SCLT1: variants seen among roughly 807,000 people sequenced by gnomAD.
The protein encoded by SCLT1 is sodium channel and clathrin linker 1, also known as sodium channel-associated protein 1.
SCLT1 carries 78 observed loss-of-function variants against 112.8 expected under a neutral mutation model. The ratio of observed to expected loss-of-function variants is 0.69; its 90% CI spans 0.58 to 0.83. The LOEUF (loss-of-function observed/expected upper bound fraction) is 0.83, where lower values mean the gene tolerates loss of function less well. Among genes scored for constraint, SCLT1 ranks in the 40% least tolerant of loss-of-function variants. The pLI, the probability that SCLT1 is intolerant of heterozygous loss-of-function variation, is 0.00. For missense variants in SCLT1, 747 were observed against 770.4 expected (o/e 0.97, Z 0.36); for synonymous variants, 257 against 254.7 (o/e 1.01, Z -0.09).
intron 18 of SCLT1, among the ~76,000 whole-genome samples, chr4:128,911,581 T>G (rs1417475409): frequency 2.0e-5 from 3 of 152,200 alleles, no homozygotes; most frequent in East Asian, 3.8e-4. Context: ...AAATTACCTA[T>G]GAAAAAATTA....
At chr4:129,085,123 T>C (rs1053831283) in intron 1 of SCLT1, among the ~76,000 whole-genome samples, 2 of 152,176 alleles carry the variant, frequency 1.3e-5, no homozygotes, top group Admixed American at 6.5e-5. Context: ...ACTGTGTATC[T>C]GACAAAGGTC....
Position 129,047,417 on chromosome 4 carries a change from T to G in SCLT1, c.103-3366A>C, listed in dbSNP as rs1362730040. 3.3e-5 allele frequency among the ~76,000 whole-genome samples: 5 copies of G among 152,160 alleles called. No homozygotes were observed. In the East Asian group the frequency reaches 9.6e-4, roughly 29 times the overall value. Reference sequence around the variant, plus strand: ...GCCAATACCATACTAACCAAATTACTATAGCTTTACAGTAAATATTAAGAC... The same window carrying G: ...GCCAATACCATACTAACCAAATTACGATAGCTTTACAGTAAATATTAAGAC... On this transcript the variant is annotated intron_variant, in intron 2 of 20. Coordinates refer to ENST00000281142, the MANE Select transcript of SCLT1 (RefSeq NM_144643.4).
At chr4:129,027,641 A>G (rs1364833565) in intron 5 of SCLT1, among the ~76,000 whole-genome samples, 3 of 151,804 alleles carry the variant, frequency 2.0e-5, no homozygotes, top group Non-Finnish European at 2.9e-5. Context: ...CTCTCTCACC[A>G]CTCCTATTCA....
chr4:129,089,078 G>A (rs1190681211), intron 1 of SCLT1, among the ~76,000 whole-genome samples: 1 of 152,078 alleles, frequency 6.6e-6, no homozygotes, highest in Admixed American at 6.5e-5. Context: ...CCTACAGAAT[G>A]GAAGAAAATT....
chr4:129,022,216 A>G (rs933793338), intron 5 of SCLT1, among the ~76,000 whole-genome samples: 12 of 152,220 alleles, frequency 7.9e-5, no homozygotes, highest in African/African-American at 2.9e-4. Context: ...AGAAAATTCC[A>G]AAAACCAGAA....
intron 8 of SCLT1, among the ~76,000 whole-genome samples, chr4:128,996,694 T>C (rs1315884800): frequency 6.6e-6 from 1 of 152,150 alleles, no homozygotes; most frequent in Non-Finnish European, 1.5e-5. Context: ...TATATTTTTA[T>C]AAAACTCTCT....
At chr4:129,061,568 T>C (rs1561035756) in intron 2 of SCLT1, among the ~76,000 whole-genome samples, 1 of 152,260 alleles carries the variant, frequency 6.6e-6, no homozygotes, top group African/African-American at 2.4e-5. Flanking sequence ...CTGCTTCAAA[T>C]TGAGGCATTG....
At chr4:129,092,001 C>T (rs1752869576) in intron 1 of SCLT1, among the ~76,000 whole-genome samples, 1 of 152,234 alleles carries the variant, frequency 6.6e-6, no homozygotes, top group South Asian at 2.1e-4. Context: ...CTCAAATCCC[C>T]TGATCTCCAG....
intron 18 of SCLT1, among the ~76,000 whole-genome samples, chr4:128,912,647 T>A (rs960321762): frequency 6.6e-6 from 1 of 152,066 alleles, no homozygotes; most frequent in African/African-American, 2.4e-5. Context: ...TTTGTGCAAG[T>A]AAAAGTAAGT....
At chr4:129,012,786 C>CTTTT (rs33941543) in intron 5 of SCLT1, among the ~76,000 whole-genome samples, 1 of 145,810 alleles carries the variant, frequency 6.9e-6, no homozygotes, top group African/African-American at 2.5e-5. Context: ...AATGCCATTT[C>CTTTT]TTTTTTTTTT....
intron 18 of SCLT1, among the ~76,000 whole-genome samples, chr4:128,930,626 A>T (rs1047563450): frequency 2.0e-5 from 3 of 152,220 alleles, no homozygotes; most frequent in African/African-American, 7.2e-5. Context: ...AAAGAAGATA[A>T]ATACAAAGAA....
At chr4:129,062,175 TG>T (rs1435356481) in intron 2 of SCLT1, among the ~76,000 whole-genome samples, 1 of 152,104 alleles carries the variant, frequency 6.6e-6, no homozygotes, top group African/African-American at 2.4e-5. Context: ...TGGTCCCAGT[TG>T]GGGGTTGGTG....
intron 9 of SCLT1, chr4:128,970,755 A>G: frequency 4.0e-6 from 1 of 251,360 alleles, no homozygotes; most frequent in East Asian, 9.0e-5. Flanking sequence ...TTTCTTGAAA[A>G]AGCACTTTAT....
chr4:129,033,659 A>C (rs1746945722), intron 5 of SCLT1, among the ~76,000 whole-genome samples: 1 of 151,990 alleles, frequency 6.6e-6, no homozygotes, highest in Non-Finnish European at 1.5e-5. Context: ...AGACTGGATG[A>C]AGGGAAAAGT....
intron 5 of SCLT1, among the ~76,000 whole-genome samples, chr4:129,022,350 C>A (rs900898516): frequency 6.6e-6 from 1 of 152,052 alleles, no homozygotes; most frequent in Non-Finnish European, 1.5e-5. Flanking sequence ...AACTCCTCTG[C>A]GTTAAAGGAG....
At chr4:129,079,829 G>A (rs1751783495) in intron 2 of SCLT1, among the ~76,000 whole-genome samples, 1 of 152,254 alleles carries the variant, frequency 6.6e-6, no homozygotes, top group African/African-American at 2.4e-5. Context: ...GCAGGCTTCT[G>A]TGTGGACATC....
intron 18 of SCLT1, among the ~76,000 whole-genome samples, 176 bp from the exon 19 acceptor site, chr4:128,891,313 CA>C (rs945020458): frequency 5.9e-5 from 9 of 152,236 alleles, no homozygotes; most frequent in African/African-American, 2.2e-4. Context: ...TAACAAAACA[CA>C]CATATACTCT....
At chr4:129,014,064 A>C (rs1341002907) in intron 5 of SCLT1, among the ~76,000 whole-genome samples, 5 of 152,162 alleles carry the variant, frequency 3.3e-5, no homozygotes, top group Non-Finnish European at 5.9e-5. Context: ...TCCAGTCTTC[A>C]AACTCTGAGA....
chr4:129,044,672 T>G (rs1222647542), intron 2 of SCLT1, among the ~76,000 whole-genome samples: 1 of 151,924 alleles, frequency 6.6e-6, no homozygotes, highest in African/African-American at 2.4e-5. Flanking sequence ...ATGTGTGGAA[T>G]GGTCAATATT....
Sources: allele counts gnomAD v4.1 joint callset (sites outside exome capture counted in the v4.1 genomes callset), GRCh38; gene constraint gnomAD v4.1.1; transcripts MANE v1.5; gene names NCBI Gene and HGNC (gene_info 2026-07-23, HGNC 2026-07-21).